Variants in LMO2 observed in about 807,000 individuals in gnomAD.
LMO2 encodes the protein LIM domain only 2.
Under a neutral mutation model 23.2 loss-of-function variants are expected in LMO2, and 20 were observed. That is an observed-to-expected ratio of 0.86 (90% CI 0.61 to 1.25). LMO2 has a LOEUF of 1.25. LMO2 is among the 50% of genes most tolerant of loss of function. LMO2 has a pLI of 0.00. For synonymous variants in LMO2, 123 were observed against 130.2 expected (o/e 0.94, Z 0.38); for missense variants, 270 against 315.3 (o/e 0.86, Z 1.09).
intron 1 of LMO2, among the ~76,000 whole-genome samples, chr11:33,888,474 C>T (rs1857466087): frequency 6.6e-6 from 1 of 152,192 alleles, no homozygotes; most frequent in Non-Finnish European, 1.5e-5. Flanking sequence ...TCCCTTCCTC[C>T]TTCCCTCCCT....
intron 1 of LMO2, among the ~76,000 whole-genome samples, chr11:33,882,097 C>T (rs1257848190): frequency 6.6e-6 from 1 of 152,072 alleles, no homozygotes; most frequent in Non-Finnish European, 1.5e-5. Context: ...CATCAGGGCG[C>T]AGGGATGGAT....
Position 33,864,584 on chromosome 11 carries a change from G to A in LMO2, c.464+18C>T, listed in dbSNP as rs1045689455. 4 of 1,603,570 alleles carry A rather than the reference G, an allele frequency of 2.5e-6. No homozygotes were observed. The highest frequency in any genetic ancestry group is 3.4e-6 in the Non-Finnish European group (4 of 1,173,706). On this transcript the variant is annotated intron_variant, in intron 5 of 5. Coordinates refer to ENST00000257818, the MANE Select transcript of LMO2 (RefSeq NM_005574.4). The surrounding 1 kb of genome is among the most constrained non-coding windows in gnomAD (Gnocchi z 4.8). Reference sequence around the variant, plus strand: ...CAGCCTCCCTTCCGAGGGCCCAGTGGAGTGCCGGGGAGGGTACCTGAGATA... The same window carrying A: ...CAGCCTCCCTTCCGAGGGCCCAGTGAAGTGCCGGGGAGGGTACCTGAGATA...
chr11:33,875,922 G>A (rs1857127950), intron 2 of LMO2, among the ~76,000 whole-genome samples: 1 of 152,188 alleles, frequency 6.6e-6, no homozygotes, highest in Admixed American at 6.5e-5. Flanking sequence ...ATTCACTGTG[G>A]CCTGGAAGGC....
At chr11:33,874,174 A>T (rs1257584243) in intron 2 of LMO2, among the ~76,000 whole-genome samples, 1 of 152,240 alleles carries the variant, frequency 6.6e-6, no homozygotes, top group East Asian at 1.9e-4. Flanking sequence ...GCTCAGACTC[A>T]TTTCAGAACA....
intron 4 of LMO2, chr11:33,865,156 G>A (rs1327596375): frequency 1.8e-5 from 7 of 381,628 alleles, no homozygotes; most frequent in South Asian, 4.6e-5. Flanking sequence ...CACTCTCCCC[G>A]CTGACTCTAT....
At chr11:33,865,886 C>G (rs1361821789) in intron 4 of LMO2, among the ~76,000 whole-genome samples, 4 of 152,226 alleles carry the variant, frequency 2.6e-5, no homozygotes, top group Admixed American at 2.0e-4. Flanking sequence ...ACAGCAAACA[C>G]TTAATACGTG....
chr11:33,871,574 A>AG (rs2133702130), intron 2 of LMO2, among the ~76,000 whole-genome samples: 1 of 130,564 alleles, frequency 7.7e-6, no homozygotes, highest in East Asian at 2.5e-4. Context: ...TCTCAAAAAA[A>AG]AAAAAAAAAA....
chr11:33,862,472 T>C lies in LMO2; in HGVS notation c.464+2130A>G, dbSNP rs537669416. On this transcript the variant is annotated intron_variant, in intron 5 of 5. Coordinates refer to ENST00000257818, the MANE Select transcript of LMO2 (RefSeq NM_005574.4). ...ACAGACATGAACAGCTGCTCTTGGG[T>C]TCCCAACAATACAACACAGCAGCAG... Among the ~76,000 whole-genome samples, 10 of 152,220 alleles carry C rather than the reference T, an allele frequency of 6.6e-5. No homozygotes were observed. In the South Asian group the frequency reaches 2.1e-3, roughly 32 times the overall value.
At position 33,869,765 on chromosome 11, in the gene LMO2, G is replaced by A. The variant is rs569810791; in HGVS notation, c.-49C>T. ...CCGGTCCCTCTCGCGCGCTGTCGCC[G>A]GCTCCGCGCCGCCCGCGGGGATGGT... On this transcript the variant is annotated 5_prime_UTR_variant, in exon 3 of 6. Transcript: ENST00000257818. 1.7e-6 allele frequency: 2 copies of A among 1,190,008 alleles called. No individual in the cohort carries two copies. The highest frequency in any genetic ancestry group is 4.4e-5 in the Admixed American group (1 of 22,610). The allele number at this position is 1,190,008 out of a possible 1,614,324, so 73.7% of individuals were successfully genotyped here.
Position 33,859,419 on chromosome 11 carries a change from G to C in LMO2, c.621C>G (p.Ile207Met). 1.9e-6 allele frequency: 3 copies of C among 1,614,142 alleles called. No individual in the cohort carries two copies. Among genetic ancestry groups the C allele is most frequent in the East Asian group, 2.2e-5 (1 of 44,880 alleles). Residue 207 changes from isoleucine (I) to methionine (M), a missense_variant, in exon 6 of 6, where the codon ATC becomes ATG. Ile to Met is a conservative substitution (Grantham distance 10). Transcript: ENST00000257818. ...HFCVGDRYLL[I>M]NSDIVCEQDI... Reference sequence around the variant, plus strand: ...CCTGTTCGCACACTATGTCAGAGTTGATGAGGAGGTATCTGTCACCTACAC... The same window carrying C: ...CCTGTTCGCACACTATGTCAGAGTTCATGAGGAGGTATCTGTCACCTACAC...
chr11:33,882,150 ACTT>A (rs1425900662), intron 1 of LMO2, among the ~76,000 whole-genome samples: 1 of 149,854 alleles, frequency 6.7e-6, no homozygotes, highest in East Asian at 1.9e-4. Flanking sequence ...CTTCCTGCCG[ACTT>A]CTTTTTTTTT....
chr11:33,860,432 AC>A (rs1259059443), intron 5 of LMO2, among the ~76,000 whole-genome samples: 2 of 152,180 alleles, frequency 1.3e-5, no homozygotes, highest in South Asian at 2.1e-4. Flanking sequence ...TGGTCCTGGG[AC>A]CAGCGACATC....
rs1288824626 is a variant in LMO2, at chr11:33,869,539, C to A, written c.55G>T (p.Glu19Ter). Residue 19 changes from glutamate to a stop codon, truncating the protein, a stop_gained, in exon 4 of 6, where the codon GAG (glutamate) becomes TAG (stop). Coordinates refer to ENST00000257818, the MANE Select transcript of LMO2 (RefSeq NM_005574.4). LOFTEE classifies it high-confidence loss of function. ...CTGCGCCTCCGCTTGCTCCGGCGCT[C>A]CGCCGGCGAGCTCGCCCCTCCGCGC... ...LERGGASSPA[E>*]RRSKRRRRSG... 5.5e-6 allele frequency: 7 copies of A among 1,272,468 alleles called. No individual in the cohort carries two copies. The South Asian group carries it at 1.5e-4, about 28-fold the overall frequency. 78.8% of individuals were successfully genotyped at this position (1,272,468 alleles called of 1,614,324 possible). A position where few individuals can be genotyped will look rare whatever the true frequency, so the allele number is the denominator to read the frequency against.
At chr11:33,877,871 C>A (rs116474152) in intron 2 of LMO2, among the ~76,000 whole-genome samples, 3 of 150,016 alleles carry the variant, frequency 2.0e-5, no homozygotes, top group African/African-American at 4.9e-5. Context: ...TATCCTTTGG[C>A]AAAAAAAAAC....
At chr11:33,866,141 G>T (rs976746044) in intron 4 of LMO2, among the ~76,000 whole-genome samples, 2 of 152,122 alleles carry the variant, frequency 1.3e-5, no homozygotes, top group Admixed American at 1.3e-4. Context: ...ATTATACTTG[G>T]GGACAGGAGG....
chr11:33,868,686 C>T (rs541264733), intron 4 of LMO2, among the ~76,000 whole-genome samples: 1 of 152,328 alleles, frequency 6.6e-6, no homozygotes, highest in South Asian at 2.1e-4. Context: ...CACCTATACA[C>T]AAAATGGTGC....
At position 33,864,915 on chromosome 11, in the gene LMO2, C is replaced by T. The variant is rs553379133; in HGVS notation, c.249-98G>A. The T allele has an allele frequency of 3.1e-4, 339 of 1,092,204 alleles. No homozygotes were observed. The highest frequency in any genetic ancestry group is 4.0e-4 in the Non-Finnish European group (293 of 724,498). The allele number at this position is 1,092,204 out of a possible 1,614,324, so 67.7% of individuals were successfully genotyped here. On this transcript the variant is annotated intron_variant, in intron 4 of 5. Transcript: ENST00000257818. This position sits in a 1 kb window ranked among gnomAD's most constrained non-coding sequence, Gnocchi z 4.8. ...GGGCCAGACAGGGCATCTCACCTGACTGCCTTTCAGTGACCTAAGGGAGAA... is the reference window on the plus strand; with the variant it reads ...GGGCCAGACAGGGCATCTCACCTGATTGCCTTTCAGTGACCTAAGGGAGAA...
At chr11:33,878,052 T>C (rs1857179333) in intron 2 of LMO2, among the ~76,000 whole-genome samples, 2 of 152,206 alleles carry the variant, frequency 1.3e-5, no homozygotes, top group African/African-American at 4.8e-5. Context: ...CACAAGTTGC[T>C]TAACCTCTTG....
At position 33,858,893 on chromosome 11, in the gene LMO2, C is replaced by A; in HGVS notation, c.*463G>T. 1 of 235,282 alleles carries A rather than the reference C, an allele frequency of 4.3e-6. No homozygotes were observed. The highest frequency in any genetic ancestry group is 1.7e-4 in the South Asian group (1 of 5,940). 14.6% of individuals were successfully genotyped at this position (235,282 alleles called of 1,614,324 possible). Reference sequence around the variant, plus strand: ...CCAAGAAAAAAAGAATGGCCACTCTCCTTTCTGTCCTTCCCTTGTGTGGAG... The same window carrying A: ...CCAAGAAAAAAAGAATGGCCACTCTACTTTCTGTCCTTCCCTTGTGTGGAG... On this transcript the variant is annotated 3_prime_UTR_variant, in exon 6 of 6. Transcript: ENST00000257818.
Sources: gnomAD v4.1 joint callset for allele counts (sites outside exome capture counted in the v4.1 genomes callset) on GRCh38, gnomAD v4.1.1 for gene constraint, Gnocchi (gnomAD v3.1) non-coding constraint, MANE v1.5 for transcripts, NCBI Gene and HGNC (gene_info 2026-07-23, HGNC 2026-07-21) for gene names.